TOP1: variants seen among roughly 807,000 people sequenced by gnomAD.
TOP1 encodes the protein DNA topoisomerase 1.
In TOP1, 10 loss-of-function variants were observed where a neutral mutation model predicts 111.1. The observed-to-expected ratio is 0.09, with a 90% CI of 0.06 to 0.15. The LOEUF (loss-of-function observed/expected upper bound fraction) is 0.15. Among genes scored for constraint, TOP1 ranks in the 10% least tolerant of loss-of-function variants. The pLI, the probability that TOP1 is intolerant of heterozygous loss-of-function variation, is 1.00. For synonymous variants in TOP1, 271 were observed against 302.9 expected, an observed-to-expected ratio of 0.89 and a Z score of 1.10; for missense variants, 474 against 926.7, an observed-to-expected ratio of 0.51 and a Z score of 6.34.
chr20:41,112,741 C>G lies in TOP1; in HGVS notation c.1309-41C>G, dbSNP rs370684933. 1.9e-6 allele frequency: 3 copies of G among 1,609,150 alleles called. No individual in the cohort carries two copies. The highest frequency in any genetic ancestry group is 2.5e-6 in the Non-Finnish European group (3 of 1,177,024). On this transcript the variant is annotated intron_variant, in intron 13 of 20. Transcript: ENST00000361337. The surrounding 1 kb of genome is among the most constrained non-coding windows in gnomAD (Gnocchi z 5.8). ...ATATTCAAAGTCTGTCTTTACTACA[C>G]TGTCCCAAAGTAATCTACATTTGGG...
At chr20:41,117,681 G>A (rs554697972) in intron 17 of TOP1, among the ~76,000 whole-genome samples, 3 of 151,916 alleles carry the variant, frequency 2.0e-5, no homozygotes, top group African/African-American at 4.8e-5. Flanking sequence ...CACCGCGCCC[G>A]GCCAAAATTT....
chr20:41,068,077 A>G (rs960553785), intron 3 of TOP1, among the ~76,000 whole-genome samples: 2 of 152,186 alleles, frequency 1.3e-5, no homozygotes, highest in African/African-American at 4.8e-5. Context: ...CCCTGTGTAA[A>G]AAGAGTTAGT....
chr20:41,065,768 T>C (rs188256663), intron 3 of TOP1, among the ~76,000 whole-genome samples: 11 of 152,312 alleles, frequency 7.2e-5, no homozygotes, highest in Admixed American at 1.3e-4. Flanking sequence ...TTATATTCCA[T>C]TGTATGCCTG....
rs755474262 is a variant in TOP1, at chr20:41,122,627, G to A, written c.2195+472G>A. Reference sequence around the variant, plus strand: ...TTTAACAAAAGCAGATAAATACTAGGTTTCTCTGTGTGTCACACACAGTGT... The same window carrying A: ...TTTAACAAAAGCAGATAAATACTAGATTTCTCTGTGTGTCACACACAGTGT... On this transcript the variant is annotated intron_variant, in intron 20 of 20. Coordinates refer to ENST00000361337, the MANE Select transcript of TOP1 (RefSeq NM_003286.4). The surrounding 1 kb of genome is among the most constrained non-coding windows in gnomAD (Gnocchi z 5.4). 6.6e-6 allele frequency among the ~76,000 whole-genome samples: 1 copy of A among 152,200 alleles called. No individual in the cohort carries two copies. Among genetic ancestry groups the A allele is most frequent in the African/African-American group, 2.4e-5 (1 of 41,440 alleles).
intron 2 of TOP1, among the ~76,000 whole-genome samples, chr20:41,040,359 C>T (rs1166597793): frequency 6.6e-6 from 1 of 152,192 alleles, no homozygotes; most frequent in Non-Finnish European, 1.5e-5. Flanking sequence ...GGAATGGATG[C>T]AATGTAAGTA....
chr20:41,069,993 G>A lies in TOP1; in HGVS notation c.156-6178G>A, dbSNP rs1011305652. On this transcript the variant is annotated intron_variant, in intron 3 of 20. Transcript: ENST00000361337. The surrounding 1 kb of genome is among the most constrained non-coding windows in gnomAD (Gnocchi z 4.1). ...CACAGGGTGGAATAGTAGAAAATGA[G>A]ACCCAAAAAAGTGGCTTGAGGCAAA... Among the ~76,000 whole-genome samples, 1 of 152,108 alleles carries A rather than the reference G, an allele frequency of 6.6e-6. No homozygotes were observed. The highest frequency in any genetic ancestry group is 1.5e-5 in the Non-Finnish European group (1 of 68,024).
chr20:41,123,393 A>G lies in TOP1; in HGVS notation c.*96A>G. The G allele has an allele frequency of 1.2e-6, 1 of 826,822 alleles. No individual in the cohort carries two copies. Among genetic ancestry groups the G allele is most frequent in the Non-Finnish European group, 2.0e-6 (1 of 507,492 alleles). 51.2% of individuals were successfully genotyped at this position (826,822 alleles called of 1,614,324 possible). A position where few individuals can be genotyped will look rare whatever the true frequency, so the allele number is the denominator to read the frequency against. On this transcript the variant is annotated 3_prime_UTR_variant, in exon 21 of 21. Transcript: ENST00000361337. This position sits in a 1 kb window ranked among gnomAD's most constrained non-coding sequence, Gnocchi z 5.8. ...ACTTGCCCTCGTGCCTGGGGGAGAG[A>G]GGCAGCAAGTCTTAACAAACCAACA... is the stretch of plus-strand genomic sequence containing the variant.
rs2034307486 is a variant in TOP1 at position 41,115,089 on chromosome 20, C to T, written c.1639-282C>T. On this transcript the variant is annotated intron_variant, in intron 15 of 20. Coordinates refer to ENST00000361337, the MANE Select transcript of TOP1 (RefSeq NM_003286.4). This position sits in a 1 kb window ranked among gnomAD's most constrained non-coding sequence, Gnocchi z 6.3. Reference sequence around the variant, plus strand: ...TTTAGGACCATATTATAAGTAAGTACTTATAAATGTACTTTAGGACCATAT... The same window carrying T: ...TTTAGGACCATATTATAAGTAAGTATTTATAAATGTACTTTAGGACCATAT... 6.6e-6 allele frequency among the ~76,000 whole-genome samples: 1 copy of T among 152,020 alleles called. No homozygotes were observed. Among genetic ancestry groups the T allele is most frequent in the Admixed American group, 6.5e-5 (1 of 15,268 alleles).
At chr20:41,077,744 A>G in intron 5 of TOP1, 107 bp downstream of exon 5, 6 of 1,005,366 alleles carry the variant, frequency 6.0e-6, no homozygotes, top group African/African-American at 1.6e-5. Flanking sequence ...TGACCTGGCC[A>G]TCTTGATGGT....
At chr20:41,091,012 T>G (rs2033913846) in intron 8 of TOP1, among the ~76,000 whole-genome samples, 1 of 152,224 alleles carries the variant, frequency 6.6e-6, no homozygotes, top group East Asian at 1.9e-4. Context: ...AACACTATTG[T>G]TGAAAAAACT....
intron 7 of TOP1, among the ~76,000 whole-genome samples, chr20:41,084,210 A>G (rs1043812744): frequency 4.6e-5 from 7 of 152,092 alleles, no homozygotes; most frequent in Non-Finnish European, 7.4e-5. Flanking sequence ...AAAGTTTCCC[A>G]GTCTCTTCCC....
At chr20:41,060,209 T>C (rs1600565713) in intron 2 of TOP1, among the ~76,000 whole-genome samples, 1 of 152,216 alleles carries the variant, frequency 6.6e-6, no homozygotes, top group East Asian at 1.9e-4. Context: ...TATTTGTATA[T>C]GAATGTTTGT....
In TOP1 at chr20:41,110,233, C is replaced by T. The variant is rs1302828532; in HGVS notation, c.1309-2549C>T. On this transcript the variant is annotated intron_variant, in intron 13 of 20. Coordinates refer to ENST00000361337, the MANE Select transcript of TOP1 (RefSeq NM_003286.4). The surrounding 1 kb of genome is among the most constrained non-coding windows in gnomAD (Gnocchi z 4.2). ...CTGAGGGGTAGAGGTTGCACTGAGC[C>T]GAGATTGCATCACTGTACTCCAGCC... Among the ~76,000 whole-genome samples, 5 of 151,948 alleles carry T rather than the reference C, an allele frequency of 3.3e-5. No homozygotes were observed. Among genetic ancestry groups the T allele is most frequent in the Non-Finnish European group, 5.9e-5 (4 of 68,008 alleles).
rs558319805 is a variant in TOP1 at position 41,058,681 on chromosome 20, A to G, written c.59-2713A>G. ...ATCTTGTTTGTTAGGAGTGAGTCAC[A>G]GTGTCCAGCCCACACTCAAGGGGAG... On this transcript the variant is annotated intron_variant, in intron 2 of 20. Coordinates refer to ENST00000361337, the MANE Select transcript of TOP1 (RefSeq NM_003286.4). This position sits in a 1 kb window ranked among gnomAD's most constrained non-coding sequence, Gnocchi z 4.2. 1.9e-3 allele frequency among the ~76,000 whole-genome samples: 294 copies of G among 152,286 alleles called. 3 individuals are homozygous for G. The highest frequency in any genetic ancestry group is 6.7e-3 in the African/African-American group (278 of 41,558).
At chr20:41,068,482 T>C (rs2033633319) in intron 3 of TOP1, among the ~76,000 whole-genome samples, 1 of 152,162 alleles carries the variant, frequency 6.6e-6, no homozygotes, top group Non-Finnish European at 1.5e-5. Flanking sequence ...TATAGCTCAC[T>C]GCAGCCTCCC....
rs562299452 is a variant in TOP1, at chr20:41,094,232, T to A, written c.730+1645T>A. 6.6e-6 allele frequency among the ~76,000 whole-genome samples: 1 copy of A among 152,298 alleles called. No individual in the cohort carries two copies. The highest frequency in any genetic ancestry group is 2.1e-4 in the South Asian group (1 of 4,828). ...CTTATGTTATGTAAACATTTTGACCTGTTGACCAGAGAGCCTAAGACAGTT... is the reference window on the plus strand; with the variant it reads ...CTTATGTTATGTAAACATTTTGACCAGTTGACCAGAGAGCCTAAGACAGTT... On this transcript the variant is annotated intron_variant, in intron 9 of 20. Coordinates refer to ENST00000361337, the MANE Select transcript of TOP1 (RefSeq NM_003286.4). The surrounding 1 kb of genome is among the most constrained non-coding windows in gnomAD (Gnocchi z 4.4).
Position 41,028,850 on chromosome 20 carries a change from T to C in TOP1, c.-218T>C. 1 of 542,642 alleles carries C rather than the reference T, an allele frequency of 1.8e-6. No individual in the cohort carries two copies. 33.6% of individuals were successfully genotyped at this position (542,642 alleles called of 1,614,324 possible). On this transcript the variant is annotated 5_prime_UTR_variant, in exon 1 of 21. Transcript: ENST00000361337. ...ATGCGAACTTAGGCTGTTACACAACTGCTGGGGTCTGTTCTCGCCGCCCGC... is the reference window on the plus strand; with the variant it reads ...ATGCGAACTTAGGCTGTTACACAACCGCTGGGGTCTGTTCTCGCCGCCCGC...
At position 41,115,438 on chromosome 20, in the gene TOP1, A is replaced by G. The variant is rs372925211; in HGVS notation, c.1706A>G (p.Asn569Ser). Residue 569 changes from asparagine to serine, a missense_variant and splice_region_variant, in exon 16 of 21, where the codon AAT (asparagine) becomes AGT (serine). Asn to Ser is a conservative substitution (Grantham distance 46). Coordinates refer to ENST00000361337, the MANE Select transcript of TOP1 (RefSeq NM_003286.4). The surrounding 1 kb of genome is among the most constrained non-coding windows in gnomAD (Gnocchi z 6.3). ...GAGGATGATCTTTTTGATAGACTCA[A>G]TGTGAGTAGATGAAGCACACAATGT... ...QPEDDLFDRL[N>S]TGILNKHLQD... 54 of 1,609,568 alleles carry G rather than the reference A, an allele frequency of 3.4e-5. No homozygotes were observed. Among genetic ancestry groups the G allele is most frequent in the Non-Finnish European group, 8.5e-6 (10 of 1,176,058 alleles).
intron 2 of TOP1, among the ~76,000 whole-genome samples, chr20:41,043,936 A>G (rs967446620): frequency 3.9e-5 from 6 of 152,218 alleles, no homozygotes; most frequent in Non-Finnish European, 7.3e-5. Flanking sequence ...TTTGTAGTGC[A>G]GGGATGTCCT....
Sources: allele counts gnomAD v4.1 joint callset (sites outside exome capture counted in the v4.1 genomes callset), GRCh38; gene constraint gnomAD v4.1.1; non-coding constraint Gnocchi (gnomAD v3.1); transcripts MANE v1.5; gene names NCBI Gene and HGNC (gene_info 2026-07-23, HGNC 2026-07-21).